STRBP: variants seen among roughly 807,000 people sequenced by gnomAD.
STRBP encodes the protein spermatid perinuclear RNA-binding protein.
In STRBP, 13 loss-of-function variants were observed where a neutral mutation model predicts 80.1. The ratio of observed to expected loss-of-function variants is 0.16; its 90% CI spans 0.11 to 0.26. STRBP has a LOEUF of 0.26. Ranked by LOEUF, STRBP falls within the 10% of genes least tolerant of loss-of-function variation. The pLI, the probability that STRBP is intolerant of heterozygous loss-of-function variation, is 1.00. For synonymous variants in STRBP, 284 were observed against 291.2 expected, an observed-to-expected ratio of 0.98 and a Z score of 0.25; for missense variants, 485 against 815.2, an observed-to-expected ratio of 0.59 and a Z score of 4.93.
At chr9:123,160,285 ATTTTAAAG>A in intron 8 of STRBP, 74 bp downstream of exon 8, 1 of 993,290 alleles carries the variant, frequency 1.0e-6, no homozygotes, top group Non-Finnish European at 1.4e-6. Context: ...GGAGATAGCC[ATTTTAAAG>A]TAACATCTCA....
chr9:123,172,712 G>T (rs904929789), intron 5 of STRBP, among the ~76,000 whole-genome samples: 2 of 152,030 alleles, frequency 1.3e-5, no homozygotes, highest in Non-Finnish European at 2.9e-5. Flanking sequence ...ATCAGAGATG[G>T]TTTTGAGGGT....
At chr9:123,148,018 T>A (rs1374969703) in intron 11 of STRBP, 148 bp from the exon 12 acceptor site, 21 of 667,444 alleles carry the variant, frequency 3.1e-5, no homozygotes, top group Non-Finnish European at 4.6e-5. Context: ...ATTACCATTA[T>A]TTATAATCTA....
intron 2 of STRBP, among the ~76,000 whole-genome samples, chr9:123,189,813 G>A (rs928618348): frequency 3.3e-5 from 5 of 151,960 alleles, no homozygotes; most frequent in African/African-American, 9.7e-5. Flanking sequence ...AAACCTGCAC[G>A]TTGTGCACAT....
rs2035907402 is a variant in STRBP, at chr9:123,126,700, G to C, written c.1943-1027C>G. On this transcript the variant is annotated intron_variant, in intron 18 of 18. Transcript: ENST00000348403. This position sits in a 1 kb window ranked among gnomAD's most constrained non-coding sequence, Gnocchi z 4.4. ...TTTACTGAAGAATCTGAAACTTACT[G>C]TATGTCTAAAAGAAAGACACAGATT... is the stretch of plus-strand genomic sequence containing the variant. Among the ~76,000 whole-genome samples the C allele has an allele frequency of 6.6e-6, 1 of 152,204 alleles. No individual in the cohort carries two copies. The highest frequency in any genetic ancestry group is 1.5e-5 in the Non-Finnish European group (1 of 68,040).
rs1368897418 is a variant in STRBP at position 123,231,088 on chromosome 9, A to G, written c.-165+5742T>C. On this transcript the variant is annotated intron_variant, in intron 2 of 18. Transcript: ENST00000348403. ...GCACAGGGAGCTTTTTAAGCTAGAC[A>G]TGGTACCCTCACACCCCTAGAGGTC... Among the ~76,000 whole-genome samples the G allele has an allele frequency of 3.9e-5, 6 of 152,192 alleles. No individual in the cohort carries two copies. The East Asian group carries it at 1.2e-3, about 29-fold the overall frequency.
chr9:123,133,354 T>C (rs2036219930), intron 16 of STRBP, among the ~76,000 whole-genome samples: 1 of 152,130 alleles, frequency 6.6e-6, no homozygotes, highest in Non-Finnish European at 1.5e-5. Flanking sequence ...ACTAATTACA[T>C]AGAATTAACT....
intron 18 of STRBP, among the ~76,000 whole-genome samples, chr9:123,127,839 C>T (rs1422573929): frequency 2.0e-5 from 3 of 152,214 alleles, no homozygotes; most frequent in Non-Finnish European, 2.9e-5. Context: ...CACACGGTTC[C>T]AAACCAGAAA....
In STRBP at chr9:123,115,854, C is replaced by T. The variant is rs1374900513; in HGVS notation, c.*84+75G>A. 1 of 361,266 alleles carries T rather than the reference C, an allele frequency of 2.8e-6. No individual in the cohort carries two copies. Among genetic ancestry groups the T allele is most frequent in the Non-Finnish European group, 5.4e-6 (1 of 183,662 alleles). The allele number at this position is 361,266 out of a possible 1,614,324, so 22.4% of individuals were successfully genotyped here. On this transcript the variant is annotated intron_variant and NMD_transcript_variant, in intron 3 of 3. Transcript: ENST00000471564. The surrounding 1 kb of genome is among the most constrained non-coding windows in gnomAD (Gnocchi z 5.0). ...GGAGGTGTATTTTAGCTCAAATTGC[C>T]CCACTGGCTTCCCATAATTGTCTTT...
At chr9:123,129,509 C>T (rs1238989290) in intron 17 of STRBP, among the ~76,000 whole-genome samples, 1 of 152,182 alleles carries the variant, frequency 6.6e-6, no homozygotes, top group Admixed American at 6.5e-5. Flanking sequence ...GTAACCACTT[C>T]TGCTATTCAG....
intron 1 of STRBP, among the ~76,000 whole-genome samples, chr9:123,259,751 C>T (rs928141106): frequency 2.6e-5 from 4 of 152,036 alleles, no homozygotes; most frequent in African/African-American, 9.7e-5. Context: ...AGAGATCCCA[C>T]GAGGCAGTCC....
rs374224297 is a variant in STRBP, at chr9:123,176,087, AT to A, written c.225-2246del. Among the ~76,000 whole-genome samples, 64 of 152,376 alleles carry A rather than the reference AT, an allele frequency of 4.2e-4. 1 individual carries two copies. In the South Asian group the frequency reaches 0.013, roughly 31 times the overall value. ...CCTTTCTCACAGAGTGGTAGTGAGA[AT>A]ATATGTTAACAAACTTTGGCCAGAG... is the stretch of plus-strand genomic sequence containing the variant. On this transcript the variant is annotated intron_variant, in intron 4 of 18. Transcript: ENST00000348403.
intron 2 of STRBP, among the ~76,000 whole-genome samples, chr9:123,209,765 A>C (rs2039645125): frequency 6.6e-6 from 1 of 152,236 alleles, no homozygotes; most frequent in Non-Finnish European, 1.5e-5. Flanking sequence ...AAATATTTTC[A>C]AGCTCAGTAA....
intron 17 of STRBP, among the ~76,000 whole-genome samples, chr9:123,128,567 A>G (rs1346506964): frequency 6.6e-6 from 1 of 152,232 alleles, no homozygotes; most frequent in Non-Finnish European, 1.5e-5. Flanking sequence ...GTTCCCCACT[A>G]GAGTAGCATA....
intron 13 of STRBP, 114 bp from the exon 14 acceptor site, chr9:123,139,801 G>T: frequency 2.0e-6 from 2 of 998,734 alleles, no homozygotes; most frequent in Non-Finnish European, 3.0e-6. Flanking sequence ...AAAACACCTT[G>T]CAGGAAGAGC....
chr9:123,198,255 C>T (rs1308463737), intron 2 of STRBP, among the ~76,000 whole-genome samples: 1 of 152,170 alleles, frequency 6.6e-6, no homozygotes, highest in African/African-American at 2.4e-5. Context: ...AATCTCCCAC[C>T]TCAGCCTCCC....
chr9:123,202,502 T>C (rs1391018179), intron 2 of STRBP, among the ~76,000 whole-genome samples: 1 of 152,212 alleles, frequency 6.6e-6, no homozygotes, highest in Non-Finnish European at 1.5e-5. Context: ...TGGCTGACAG[T>C]TGTTCTGTTT....
chr9:123,259,473 G>A (rs1271513815), intron 1 of STRBP, among the ~76,000 whole-genome samples: 5 of 152,128 alleles, frequency 3.3e-5, no homozygotes, highest in African/African-American at 9.7e-5. Context: ...TTGGGAGGCC[G>A]AGGCGGGTGG....
downstream of STRBP, among the ~76,000 whole-genome samples, chr9:123,117,879 T>C (rs1348900530): frequency 6.6e-6 from 1 of 152,240 alleles, no homozygotes; most frequent in Admixed American, 6.5e-5. Flanking sequence ...AAACAAGCTT[T>C]AGATAAAAAT....
At chr9:123,241,519 C>CAA in intron 1 of STRBP, among the ~76,000 whole-genome samples, 1 of 140,914 alleles carries the variant, frequency 7.1e-6, no homozygotes, top group Non-Finnish European at 1.5e-5. Flanking sequence ...CCCGCACACA[C>CAA]AAAAAAAAAA....
Sources: gnomAD v4.1 joint callset for allele counts (sites outside exome capture counted in the v4.1 genomes callset) on GRCh38, gnomAD v4.1.1 for gene constraint, Gnocchi (gnomAD v3.1) non-coding constraint, MANE v1.5 for transcripts, NCBI Gene and HGNC (gene_info 2026-07-23, HGNC 2026-07-21) for gene names.